CADM2: variants seen among roughly 807,000 people sequenced by gnomAD.
CADM2 encodes the protein immunoglobulin superfamily member 4D.
In CADM2, 12 loss-of-function variants were observed where a neutral mutation model predicts 49.8. That is an observed-to-expected ratio of 0.24 (90% CI 0.15 to 0.39). CADM2 has a LOEUF of 0.39. Among genes scored for constraint, CADM2 ranks in the 10% least tolerant of loss-of-function variants. The pLI is 1.00. For synonymous variants in CADM2, 214 were observed against 175.4 expected, an observed-to-expected ratio of 1.22 and a Z score of -1.74; for missense variants, 378 against 492.3, an observed-to-expected ratio of 0.77 and a Z score of 2.20.
chr3:85,677,384 G>A (rs907696534), intron 1 of CADM2, among the ~76,000 whole-genome samples: 19 of 152,152 alleles, frequency 1.2e-4, no homozygotes, highest in African/African-American at 4.6e-4. Context: ...GAAAGCAGGT[G>A]AGTGCAGAGA....
intron 8 of CADM2, among the ~76,000 whole-genome samples, chr3:86,001,568 G>A (rs1254205226): frequency 6.6e-6 from 1 of 152,026 alleles, no homozygotes; most frequent in African/African-American, 2.4e-5. Context: ...AGAGAGTGAT[G>A]GTCTTTCATC....
chr3:85,238,624 G>A (rs1203573545), intron 1 of CADM2, among the ~76,000 whole-genome samples: 1 of 151,864 alleles, frequency 6.6e-6, no homozygotes, highest in Non-Finnish European at 1.5e-5. Flanking sequence ...TGACTAGAAC[G>A]TTTGTTCTGA....
chr3:85,090,426 C>A (rs1056248067), intron 1 of CADM2, among the ~76,000 whole-genome samples: 11 of 152,200 alleles, frequency 7.2e-5, no homozygotes, highest in African/African-American at 2.6e-4. Flanking sequence ...GTTTTGTTTT[C>A]ATTTTTGCTT....
intron 1 of CADM2, among the ~76,000 whole-genome samples, chr3:85,434,284 T>C (rs2036824898): frequency 6.6e-6 from 1 of 151,918 alleles, no homozygotes; most frequent in Non-Finnish European, 1.5e-5. Flanking sequence ...GTTTCTTAAT[T>C]TGGTGATATT....
chr3:85,992,301 T>C (rs1728875905), intron 8 of CADM2: 1 of 152,106 alleles, frequency 6.6e-6, no homozygotes, highest in African/African-American at 2.4e-5. Flanking sequence ...CATCTTAATA[T>C]GTCAATAATT....
At chr3:85,625,782 C>T (rs764678958) in intron 1 of CADM2, among the ~76,000 whole-genome samples, 1 of 151,816 alleles carries the variant, frequency 6.6e-6, no homozygotes, top group East Asian at 1.9e-4. Flanking sequence ...TACTGTGATA[C>T]ATATCAAAAT....
rs1387392971 is a variant in CADM2 at position 85,803,492 on chromosome 3, G to GATAA, written c.238+1299_238+1300insAATA. Among the ~76,000 whole-genome samples, 105 of 123,240 alleles carry GATAA rather than the reference G, an allele frequency of 8.5e-4. 1 individual carries two copies. The highest frequency in any genetic ancestry group is 2.9e-3 in the African/African-American group (93 of 31,924). 80.9% of individuals were successfully genotyped at this position (123,240 alleles called of 152,430 possible). Reference sequence around the variant, plus strand: ...AAATGAAGAAACAGACAGATAGATAGATAGATAAATAGATAGATAGATAGA... The same window carrying GATAA: ...AAATGAAGAAACAGACAGATAGATAGATAAATAGATAAATAGATAGATAGATAGA... On this transcript the variant is annotated intron_variant, in intron 3 of 9. Transcript: ENST00000383699.
chr3:84,982,702 CATATATATATATATAT>C lies in CADM2; in HGVS notation c.61+23052_61+23067del, dbSNP rs71104999. 2.9e-3 allele frequency among the ~76,000 whole-genome samples: 223 copies of C among 76,306 alleles called. 14 individuals are homozygous for C. The highest frequency in any genetic ancestry group is 3.6e-3 in the Admixed American group (24 of 6,692). 50.1% of individuals were successfully genotyped at this position (76,306 alleles called of 152,430 possible). A position where few individuals can be genotyped will look rare whatever the true frequency, so the allele number is the denominator to read the frequency against. On this transcript the variant is annotated intron_variant, in intron 1 of 9. Transcript: ENST00000383699. ...GACATATAGATTGAAAACTATAAAG[CATATATATATATATAT>C]ATATATATATATATATACATTTTTT...
chr3:85,025,354 G>C (rs568069657), intron 1 of CADM2, among the ~76,000 whole-genome samples: 2 of 152,234 alleles, frequency 1.3e-5, no homozygotes, highest in African/African-American at 4.8e-5. Context: ...AAAAATTATA[G>C]AAAGCTTGGG....
chr3:85,026,107 A>T (rs2034716427), intron 1 of CADM2, among the ~76,000 whole-genome samples: 1 of 152,208 alleles, frequency 6.6e-6, no homozygotes, highest in Non-Finnish European at 1.5e-5. Context: ...CTTTTGTAAA[A>T]ATAATAATTT....
At chr3:85,768,155 A>G (rs1259153033) in intron 2 of CADM2, among the ~76,000 whole-genome samples, 1 of 152,156 alleles carries the variant, frequency 6.6e-6, no homozygotes, top group East Asian at 1.9e-4. Flanking sequence ...TATTTAAAAT[A>G]TATTTTACTG....
intron 1 of CADM2, among the ~76,000 whole-genome samples, chr3:85,400,345 G>C (rs1037092873): frequency 1.3e-5 from 2 of 152,154 alleles, no homozygotes; most frequent in African/African-American, 4.8e-5. Flanking sequence ...GCTGGATTTT[G>C]TTTGCCAGTA....
chr3:85,814,347 G>A (rs1288801085), intron 3 of CADM2, among the ~76,000 whole-genome samples: 1 of 151,982 alleles, frequency 6.6e-6, no homozygotes, highest in African/African-American at 2.4e-5. Context: ...CTGTTTGTAT[G>A]TTATTGATGT....
intron 1 of CADM2, among the ~76,000 whole-genome samples, chr3:85,301,011 A>G (rs1416674132): frequency 6.6e-6 from 1 of 152,128 alleles, no homozygotes; most frequent in African/African-American, 2.4e-5. Context: ...AATGAATACC[A>G]CAGGAAGAAT....
intron 3 of CADM2, among the ~76,000 whole-genome samples, chr3:85,842,446 T>C (rs888450345): frequency 2.6e-5 from 4 of 152,172 alleles, no homozygotes; most frequent in Non-Finnish European, 5.9e-5. Context: ...TTTTTTCATT[T>C]TTAGTTTTTC....
intron 7 of CADM2, among the ~76,000 whole-genome samples, chr3:85,956,590 A>G (rs1430240523): frequency 6.6e-6 from 1 of 151,356 alleles, no homozygotes; most frequent in African/African-American, 2.4e-5. Context: ...GTCAGCAAAG[A>G]CTTACACAAC....
chr3:85,850,341 T>C (rs979794095), intron 3 of CADM2, among the ~76,000 whole-genome samples: 2 of 115,606 alleles, frequency 1.7e-5, no homozygotes, highest in Non-Finnish European at 1.7e-5. Flanking sequence ...TTTTTTTTTT[T>C]TGAGACAGAG....
At chr3:85,402,910 T>C (rs569630984) in intron 1 of CADM2, among the ~76,000 whole-genome samples, 1 of 152,280 alleles carries the variant, frequency 6.6e-6, no homozygotes, top group East Asian at 1.9e-4. Flanking sequence ...TCTTGTGTGA[T>C]GTTAATATAG....
chr3:85,948,782 G>A (rs1326205732), intron 7 of CADM2, among the ~76,000 whole-genome samples: 1 of 151,426 alleles, frequency 6.6e-6, no homozygotes, highest in Non-Finnish European at 1.5e-5. Context: ...TAGAAAATAT[G>A]AACATTTACG....
Sources: gnomAD v4.1 joint callset for allele counts (sites outside exome capture counted in the v4.1 genomes callset) on GRCh38, gnomAD v4.1.1 for gene constraint, MANE v1.5 for transcripts, NCBI Gene and HGNC (gene_info 2026-07-23, HGNC 2026-07-21) for gene names.